DNAH5: variants seen among roughly 807,000 people sequenced by gnomAD.
The protein encoded by DNAH5 is axonemal beta dynein heavy chain 5.
A neutral mutation model predicts 518.2 loss-of-function variants in DNAH5; 372 were observed. That is an observed-to-expected ratio of 0.72 (90% CI 0.66 to 0.78). The LOEUF (loss-of-function observed/expected upper bound fraction) is 0.78. DNAH5 is among the 30% of genes least tolerant of loss of function. The pLI is 0.00. For missense variants in DNAH5, 5,523 were observed against 5,687.0 expected, an observed-to-expected ratio of 0.97 and a Z score of 0.93; for synonymous variants, 2,039 against 2,025.9, an observed-to-expected ratio of 1.01 and a Z score of -0.17.
chr5:13,909,943 C>T (rs1317975468), intron 12 of DNAH5, among the ~76,000 whole-genome samples: 2 of 152,086 alleles, frequency 1.3e-5, no homozygotes, highest in Admixed American at 6.6e-5. Context: ...AAAACATGAT[C>T]CCTGCATTTG....
chr5:13,933,016 C>T (rs983649), intron 1 of DNAH5, among the ~76,000 whole-genome samples: 98,127 of 152,118 alleles, frequency 0.65, 32,297 homozygotes, highest in African/African-American at 0.77. Context: ...GTTTTAGCAG[C>T]GCCTTTGGTC....
At chr5:13,845,106 G>T in intron 31 of DNAH5, 113 bp from the exon 32 acceptor site, 2 of 1,017,748 alleles carry the variant, frequency 2.0e-6, no homozygotes, top group African/African-American at 1.6e-5. Context: ...GTGACAATCT[G>T]ATTTTCCTAC....
chr5:14,000,497 G>A (rs1049143388), intron 1 of DNAH5, among the ~76,000 whole-genome samples: 2 of 152,172 alleles, frequency 1.3e-5, no homozygotes, highest in Non-Finnish European at 2.9e-5. Flanking sequence ...GTTATATGAT[G>A]AGCATTTTTT....
intron 65 of DNAH5, among the ~76,000 whole-genome samples, 162 bp downstream of exon 65, chr5:13,750,916 T>C (rs1362773211): frequency 6.6e-6 from 1 of 152,140 alleles, no homozygotes; most frequent in Admixed American, 6.6e-5. Flanking sequence ...GGTTAATAAT[T>C]TCCTTTAGGA....
chr5:13,970,919 C>A (rs1397948688), intron 1 of DNAH5, among the ~76,000 whole-genome samples: 1 of 152,040 alleles, frequency 6.6e-6, no homozygotes, highest in African/African-American at 2.4e-5. Flanking sequence ...TTGGGAACAT[C>A]AATTATTCTT....
intron 15 of DNAH5, chr5:13,897,739 T>C (rs1453193617): frequency 2.0e-5 from 3 of 152,194 alleles, no homozygotes; most frequent in African/African-American, 7.2e-5. Context: ...AGATAATAAA[T>C]GTTAATGAGA....
intron 30 of DNAH5, among the ~76,000 whole-genome samples, chr5:13,854,736 A>T (rs1211239038): frequency 6.6e-6 from 1 of 152,220 alleles, no homozygotes; most frequent in Non-Finnish European, 1.5e-5. Flanking sequence ...CTGATAAGAC[A>T]GACTTTAAAC....
At chr5:13,877,316 G>A (rs1771036757) in intron 21 of DNAH5, among the ~76,000 whole-genome samples, 2 of 152,114 alleles carry the variant, frequency 1.3e-5, no homozygotes. Flanking sequence ...CTGACTCAGA[G>A]CTCTCTGAGA....
rs372940562 is a variant in DNAH5 at position 13,972,728 on chromosome 5, G to T, written c.12+38920C>A. Among the ~76,000 whole-genome samples the T allele has an allele frequency of 7.9e-5, 12 of 152,316 alleles. No individual in the cohort carries two copies. In the East Asian group the frequency reaches 1.9e-3, roughly 25 times the overall value. ...AGCAGCAAGCCGCTTCCTTCAAAGG[G>T]TGTGTGGATTCTCTCAGCTTTCCTG... is the stretch of plus-strand genomic sequence containing the variant. On this transcript the variant is annotated intron_variant, in intron 1 of 78. Coordinates refer to the DNAH5 transcript ENST00000681290.
intron 78 of DNAH5, among the ~76,000 whole-genome samples, chr5:13,694,038 T>C: frequency 6.6e-6 from 1 of 152,310 alleles, no homozygotes; most frequent in African/African-American, 2.4e-5. Flanking sequence ...TTTAAACATG[T>C]AAAACATATA....
At chr5:14,006,150 C>T (rs1784712644) in intron 1 of DNAH5, among the ~76,000 whole-genome samples, 1 of 152,200 alleles carries the variant, frequency 6.6e-6, no homozygotes, top group South Asian at 2.1e-4. Flanking sequence ...CAGACCTTCG[C>T]TCTGAATGAC....
chr5:13,729,999 C>T (rs1430474407), intron 68 of DNAH5, among the ~76,000 whole-genome samples: 1 of 152,160 alleles, frequency 6.6e-6, no homozygotes, highest in African/African-American at 2.4e-5. Context: ...TTAGCACAAG[C>T]TAATATTCAA....
rs372428086 is a variant in DNAH5, at chr5:13,759,298, C to T, written c.10282-315G>A. Among the ~76,000 whole-genome samples, 7 of 152,278 alleles carry T rather than the reference C, an allele frequency of 4.6e-5. No homozygotes were observed. The East Asian group carries it at 7.7e-4, about 17-fold the overall frequency. Reference sequence around the variant, plus strand: ...TGTACTTATTTTAAAACTATTTAAACATGTAAAACCTACTCTTATTTCACA... The same window carrying T: ...TGTACTTATTTTAAAACTATTTAAATATGTAAAACCTACTCTTATTTCACA... On this transcript the variant is annotated intron_variant, in intron 60 of 78. Coordinates refer to ENST00000265104, the MANE Select transcript of DNAH5 (RefSeq NM_001369.3).
At position 13,854,262 on chromosome 5, in the gene DNAH5, C is replaced by A. The variant is rs1037171004; in HGVS notation, c.4951-3447G>T. 3.9e-5 allele frequency among the ~76,000 whole-genome samples: 6 copies of A among 152,098 alleles called. No individual in the cohort carries two copies. The East Asian group carries it at 1.2e-3, about 29-fold the overall frequency. On this transcript the variant is annotated intron_variant, in intron 30 of 78. Transcript: ENST00000265104. The stretch of plus-strand genomic sequence containing the variant: ...TTTCAGCCCAGAATTTCATATCCAG[C>A]CAAACTAAGCTTCATAAATGAAGGA...
At chr5:13,826,245 G>T (rs902654366) in intron 38 of DNAH5, among the ~76,000 whole-genome samples, 1 of 152,176 alleles carries the variant, frequency 6.6e-6, no homozygotes, top group Non-Finnish European at 1.5e-5. Flanking sequence ...TGTGAACATG[G>T]GTGGTAGGAG....
At chr5:13,719,547 C>T (rs1360747634) in intron 71 of DNAH5, among the ~76,000 whole-genome samples, 1 of 152,158 alleles carries the variant, frequency 6.6e-6, no homozygotes, top group African/African-American at 2.4e-5. Flanking sequence ...AAAGTTGAAT[C>T]CTAAGCTAGC....
intron 70 of DNAH5, among the ~76,000 whole-genome samples, chr5:13,721,934 G>C (rs558737892): frequency 2.6e-4 from 39 of 152,196 alleles, no homozygotes; most frequent in Middle Eastern, 3.4e-3. Context: ...TTCAACAAAT[G>C]GTATTGTGAA....
chr5:13,785,125 G>A (rs910187539), intron 52 of DNAH5, among the ~76,000 whole-genome samples: 1 of 152,092 alleles, frequency 6.6e-6, no homozygotes, highest in Non-Finnish European at 1.5e-5. Context: ...CCCTGAGCTT[G>A]TCTTCCTACA....
At chr5:13,698,430 A>T (rs1476338258) in intron 78 of DNAH5, among the ~76,000 whole-genome samples, 4 of 152,186 alleles carry the variant, frequency 2.6e-5, no homozygotes, top group African/African-American at 9.7e-5. Flanking sequence ...CTCCTAGGGG[A>T]AATACAGGGT....
Sources: gnomAD v4.1 joint callset for allele counts (sites outside exome capture counted in the v4.1 genomes callset) on GRCh38, gnomAD v4.1.1 for gene constraint, MANE v1.5 for transcripts, NCBI Gene and HGNC (gene_info 2026-07-23, HGNC 2026-07-21) for gene names.